Variants in CLSPN observed in about 807,000 individuals in gnomAD.
CLSPN encodes the protein claspin, also known as claspin homolog.
CLSPN carries 85 observed loss-of-function variants against 156.3 expected under a neutral mutation model. The observed-to-expected ratio is 0.54, with a 90% confidence interval of 0.46 to 0.65. CLSPN has a LOEUF of 0.65. CLSPN is among the 30% of genes least tolerant of loss of function. The pLI, the probability that CLSPN is intolerant of heterozygous loss-of-function variation, is 0.00. For missense variants in CLSPN, 1,407 were observed against 1,554.9 expected (o/e 0.90, Z 1.60); for synonymous variants, 534 against 542.4 (o/e 0.98, Z 0.22).
chr1:35,730,569 A>T (rs1354370778), downstream of CLSPN, among the ~76,000 whole-genome samples: 6 of 116,624 alleles, frequency 5.1e-5, no homozygotes, highest in East Asian at 9.5e-3. Flanking sequence ...ATCCATATTA[A>T]AAAAAAAAAA....
Position 35,735,418 on chromosome 1 carries a change from G to A in CLSPN, c.*1078C>T, listed in dbSNP as rs554368177. ...TCCTAGGTCCTCCATCTAAGAAATCGTTCTTTTGGCTGGGCACAGTGGCTC... is the reference window on the plus strand; with the variant it reads ...TCCTAGGTCCTCCATCTAAGAAATCATTCTTTTGGCTGGGCACAGTGGCTC... On this transcript the variant is annotated 3_prime_UTR_variant, in exon 25 of 25. Coordinates refer to ENST00000318121, the MANE Select transcript of CLSPN (RefSeq NM_022111.4). The A allele has an allele frequency of 7.1e-6, 7 of 985,306 alleles. No individual in the cohort carries two copies. In the South Asian group the frequency reaches 2.8e-4, roughly 40 times the overall value. 61.0% of individuals were successfully genotyped at this position (985,306 alleles called of 1,614,324 possible).
At chr1:35,765,626 T>G (rs757145989) in intron 1 of CLSPN, among the ~76,000 whole-genome samples, 4 of 152,162 alleles carry the variant, frequency 2.6e-5, no homozygotes, top group Non-Finnish European at 5.9e-5. Context: ...ATCCATACAA[T>G]TGATGAGGGG....
intron 8 of CLSPN, 71 bp from the exon 9 acceptor site, chr1:35,754,007 A>T: frequency 6.9e-7 from 1 of 1,440,418 alleles, no homozygotes; most frequent in Non-Finnish European, 9.4e-7. Flanking sequence ...CTTATAAGCT[A>T]AGTTTTTTTT....
intron 24 of CLSPN, among the ~76,000 whole-genome samples, chr1:35,725,478 C>A (rs898867295): frequency 2.0e-5 from 3 of 152,036 alleles, no homozygotes; most frequent in African/African-American, 7.2e-5. Flanking sequence ...CACCCCCTTC[C>A]TAGCAGCTGC....
In CLSPN at chr1:35,734,677, C is replaced by CAAAA. The variant is rs71062891; in HGVS notation, c.*1815_*1818dup. On this transcript the variant is annotated 3_prime_UTR_variant, in exon 25 of 25. Coordinates refer to ENST00000318121, the MANE Select transcript of CLSPN (RefSeq NM_022111.4). ...TAGGTGACAGAGCCAGCCTATGTCT[C>CAAAA]AAAAAAAAAAAAAGAAAAGAAAAGA... 2,013 of 657,850 alleles carry CAAAA rather than the reference C, an allele frequency of 3.1e-3. No homozygotes were observed. The highest frequency in any genetic ancestry group is 3.5e-3 in the Non-Finnish European group (1,901 of 545,646). The allele number at this position is 657,850 out of a possible 1,614,324, so 40.8% of individuals were successfully genotyped here.
chr1:35,738,009 T>C lies in CLSPN; in HGVS notation c.3647A>G (p.Lys1216Arg). ...GAGCTCACCATTCTTCTGCAGTGCT[T>C]TGGCTGTAACTTTCTTGGCCAGTAT... ...FMILAKKVTAKALQKNASRPM... is the reference protein window; with the variant it reads ...FMILAKKVTARALQKNASRPM... Residue 1216 changes from lysine (K) to arginine (R), a missense_variant, in exon 22 of 25, where the codon AAA becomes AGA. Coordinates refer to ENST00000318121, the MANE Select transcript of CLSPN (RefSeq NM_022111.4). 1 of 1,493,858 alleles carries C rather than the reference T, an allele frequency of 6.7e-7. No individual in the cohort carries two copies. Among genetic ancestry groups the C allele is most frequent in the South Asian group, 1.5e-5 (1 of 67,878 alleles). 92.5% of individuals were successfully genotyped at this position (1,493,858 alleles called of 1,614,324 possible).
intron 4 of CLSPN, among the ~76,000 whole-genome samples, chr1:35,762,826 A>T (rs1209896973): frequency 2.0e-5 from 3 of 151,970 alleles, no homozygotes; most frequent in African/African-American, 7.2e-5. Context: ...CCTTCCTGAA[A>T]CCCTATAGGG....
chr1:35,763,617 C>T (rs1642560702), intron 3 of CLSPN, among the ~76,000 whole-genome samples: 1 of 152,078 alleles, frequency 6.6e-6, no homozygotes, highest in African/African-American at 2.4e-5. Flanking sequence ...AGTTAGCAAA[C>T]AAGACTACTG....
chr1:35,742,902 C>T (rs1641744997), intron 18 of CLSPN, among the ~76,000 whole-genome samples: 1 of 151,956 alleles, frequency 6.6e-6, no homozygotes, highest in Non-Finnish European at 1.5e-5. Flanking sequence ...CACCTGTCAT[C>T]ACATCTGGCT....
chr1:35,747,086 G>A (rs1454784774), intron 14 of CLSPN, 94 bp from the exon 15 acceptor site: 1 of 866,808 alleles, frequency 1.2e-6, no homozygotes, highest in Non-Finnish European at 1.9e-6. Context: ...ACTTCGGGAG[G>A]CCGAGGCGGG....
At position 35,734,940 on chromosome 1, in the gene CLSPN, G is replaced by T. The variant is rs1641415929; in HGVS notation, c.*1556C>A. 9 of 985,422 alleles carry T rather than the reference G, an allele frequency of 9.1e-6. No homozygotes were observed. The highest frequency in any genetic ancestry group is 1.1e-5 in the Non-Finnish European group (9 of 829,900). The allele number at this position is 985,422 out of a possible 1,614,324, so 61.0% of individuals were successfully genotyped here. A position where few individuals can be genotyped will look rare whatever the true frequency, so the allele number is the denominator to read the frequency against. On this transcript the variant is annotated 3_prime_UTR_variant, in exon 25 of 25. Transcript: ENST00000318121. ...CTAAAATTCTGAGAAGCTTGTGGTA[G>T]TTCAGGGAAAATGGAGAATGATGGC...
chr1:35,762,485 A>G lies in CLSPN; in HGVS notation c.745-4T>C. ...TCTCCAAAGATGGTTCTTTTTTCTA[A>G]AAGAAATGGCAGGTTGATTAGGACA... is the stretch of plus-strand genomic sequence containing the variant. On this transcript the variant is annotated splice_region_variant and splice_polypyrimidine_tract_variant and intron_variant, in intron 4 of 24. Transcript: ENST00000318121. The G allele has an allele frequency of 6.2e-7, 1 of 1,613,226 alleles. No homozygotes were observed. The highest frequency in any genetic ancestry group is 8.5e-7 in the Non-Finnish European group (1 of 1,179,414).
chr1:35,737,641 A>G (rs1475759448), intron 22 of CLSPN: 6 of 504,016 alleles, frequency 1.2e-5, no homozygotes, highest in African/African-American at 1.9e-5. Flanking sequence ...TGGTCAGTGT[A>G]GGGAATAGTG....
rs529222516 is a variant in CLSPN at position 35,747,104 on chromosome 1, C to T, written c.2628-112G>A. 1.8e-5 allele frequency: 13 copies of T among 725,058 alleles called. 1 individual carries two copies. Among genetic ancestry groups the T allele is most frequent in the Admixed American group, 6.9e-5 (3 of 43,332 alleles). 44.9% of individuals were successfully genotyped at this position (725,058 alleles called of 1,614,324 possible). A position where few individuals can be genotyped will look rare whatever the true frequency, so the allele number is the denominator to read the frequency against. The stretch of plus-strand genomic sequence containing the variant: ...TCGGGAGGCCGAGGCGGGCGGATCA[C>T]GAGGTCAGGAGATCAAGACCATCCT... On this transcript the variant is annotated intron_variant, in intron 14 of 24. Coordinates refer to ENST00000318121, the MANE Select transcript of CLSPN (RefSeq NM_022111.4).
downstream of CLSPN, among the ~76,000 whole-genome samples, chr1:35,729,799 T>C (rs1293234973): frequency 1.3e-5 from 2 of 152,244 alleles, no homozygotes; most frequent in South Asian, 2.1e-4. Flanking sequence ...TTAGCCTGCA[T>C]TAGTGCAGCC....
At chr1:35,738,296 T>C (rs1281162321) in intron 21 of CLSPN, among the ~76,000 whole-genome samples, 159 bp downstream of exon 21, 6 of 152,108 alleles carry the variant, frequency 3.9e-5, no homozygotes, top group Admixed American at 3.9e-4. Context: ...GTCTATGGTA[T>C]AGCCTTCTCA....
In CLSPN at chr1:35,738,229, CA is replaced by C. The variant is rs552648464; in HGVS notation, c.3559-133del. On this transcript the variant is annotated intron_variant, in intron 21 of 24. Coordinates refer to ENST00000318121, the MANE Select transcript of CLSPN (RefSeq NM_022111.4). ...CCTGGGGTATTTGTTTTCCTTTTTG[CA>C]GCCTTTGCTGCTTTAGACAAAAAAA... is the stretch of plus-strand genomic sequence containing the variant. 227 of 626,794 alleles carry C rather than the reference CA, an allele frequency of 3.6e-4. 1 individual carries two copies. The highest frequency in any genetic ancestry group is 3.6e-3 in the African/African-American group (190 of 53,264). 38.8% of individuals were successfully genotyped at this position (626,794 alleles called of 1,614,324 possible).
At chr1:35,763,425 A>T in intron 3 of CLSPN, 104 bp from the exon 4 acceptor site, 1 of 746,502 alleles carries the variant, frequency 1.3e-6, no homozygotes, top group Non-Finnish European at 2.0e-6. Context: ...CCCATGTTTC[A>T]TCAACAGACA....
chr1:35,750,829 A>G (rs1571208472), intron 10 of CLSPN, among the ~76,000 whole-genome samples: 1 of 152,182 alleles, frequency 6.6e-6, no homozygotes. Flanking sequence ...TAACTCAGAA[A>G]GGCCTCTACC....
Sources: allele counts gnomAD v4.1 joint callset (sites outside exome capture counted in the v4.1 genomes callset), GRCh38; gene constraint gnomAD v4.1.1; transcripts MANE v1.5; gene names NCBI Gene and HGNC (gene_info 2026-07-23, HGNC 2026-07-21).